PTPRM: variants seen among roughly 807,000 people sequenced by gnomAD.
PTPRM encodes receptor-type tyrosine-protein phosphatase mu.
In PTPRM, 47 loss-of-function variants were observed where a neutral mutation model predicts 186.7. The observed-to-expected ratio is 0.25, with a 90% CI of 0.20 to 0.32. PTPRM has a LOEUF of 0.32. PTPRM is among the 10% of genes least tolerant of loss of function. The pLI, the probability that PTPRM is intolerant of heterozygous loss-of-function variation, is 1.00. For missense variants in PTPRM, 1,494 were observed against 1,865.0 expected (o/e 0.80, Z 3.66); for synonymous variants, 668 against 674.9 (o/e 0.99, Z 0.16).
chr18:8,036,067 C>T (rs9807802), intron 7 of PTPRM, among the ~76,000 whole-genome samples: 32,681 of 152,040 alleles, frequency 0.21, 4,377 homozygotes, highest in South Asian at 0.33. Flanking sequence ...TAGTTTCAGG[C>T]GGAGTAGCCA....
intron 1 of PTPRM, among the ~76,000 whole-genome samples, chr18:7,698,500 A>G (rs2039890997): frequency 1.3e-5 from 2 of 152,334 alleles, no homozygotes; most frequent in African/African-American, 4.8e-5. Flanking sequence ...ATTTTCTTGG[A>G]TGATGGAAAC....
At chr18:7,691,067 G>A (rs1275838644) in intron 1 of PTPRM, among the ~76,000 whole-genome samples, 1 of 151,942 alleles carries the variant, frequency 6.6e-6, no homozygotes, top group Admixed American at 6.6e-5. Flanking sequence ...GCCACATCTC[G>A]ACTAAGTAAT....
intron 14 of PTPRM, among the ~76,000 whole-genome samples, chr18:8,231,361 C>T (rs2094283950): frequency 6.6e-6 from 1 of 152,176 alleles, no homozygotes; most frequent in Non-Finnish European, 1.5e-5. Flanking sequence ...AATTGCCACT[C>T]AGTCCAGTTT....
chr18:7,936,692 G>A (rs1040061414), intron 5 of PTPRM, among the ~76,000 whole-genome samples: 1 of 152,206 alleles, frequency 6.6e-6, no homozygotes, highest in Non-Finnish European at 1.5e-5. Context: ...TTCAAGCCAA[G>A]GAAGGCCTGA....
chr18:7,990,229 A>G (rs1376464640), intron 7 of PTPRM, among the ~76,000 whole-genome samples: 1 of 151,736 alleles, frequency 6.6e-6, no homozygotes, highest in African/African-American at 2.4e-5. Flanking sequence ...CTGAACATTT[A>G]CTCTTTCCAT....
chr18:8,118,811 A>AAAT (rs372020679), intron 13 of PTPRM, among the ~76,000 whole-genome samples: 3,252 of 128,172 alleles, frequency 0.025, 55 homozygotes, highest in African/African-American at 0.031. Flanking sequence ...AAAAAAAAAA[A>AAAT]ATATATATAT....
chr18:7,891,237 G>C (rs961877972), intron 3 of PTPRM, among the ~76,000 whole-genome samples: 30 of 151,990 alleles, frequency 2.0e-4, no homozygotes, highest in African/African-American at 6.8e-4. Context: ...AGTGAGCCGT[G>C]GTCATGCCAC....
chr18:8,008,734 T>C (rs2084339541), intron 7 of PTPRM, among the ~76,000 whole-genome samples: 1 of 152,176 alleles, frequency 6.6e-6, no homozygotes, highest in South Asian at 2.1e-4. Context: ...CCTGACTCCC[T>C]GGTGCTTAAC....
At chr18:8,367,760 G>C (rs1343345822) in intron 23 of PTPRM, among the ~76,000 whole-genome samples, 1 of 152,240 alleles carries the variant, frequency 6.6e-6, no homozygotes, top group African/African-American at 2.4e-5. Flanking sequence ...AGCTTTCAGT[G>C]CATGCAAGGG....
At chr18:7,888,799 TA>T (rs2048914927) in intron 3 of PTPRM, among the ~76,000 whole-genome samples, 1 of 152,096 alleles carries the variant, frequency 6.6e-6, no homozygotes, top group Non-Finnish European at 1.5e-5. Flanking sequence ...TGTGCAGCCA[TA>T]AAAAAGAATG....
At chr18:8,123,549 A>G in intron 13 of PTPRM, among the ~76,000 whole-genome samples, 1 of 152,226 alleles carries the variant, frequency 6.6e-6, no homozygotes, top group South Asian at 2.1e-4. Flanking sequence ...CTATCAATTT[A>G]TTGACAGTTC....
chr18:8,229,858 G>T (rs545396236), intron 14 of PTPRM, among the ~76,000 whole-genome samples: 1 of 151,720 alleles, frequency 6.6e-6, no homozygotes, highest in African/African-American at 2.4e-5. Context: ...CATGTACCAA[G>T]AGATCCTGAC....
intron 11 of PTPRM, 39 bp downstream of exon 11, chr18:8,088,890 A>G (rs1182564208): frequency 6.9e-7 from 1 of 1,445,746 alleles, no homozygotes; most frequent in Admixed American, 1.7e-5. Context: ...AGATAGAAGA[A>G]AACTAAATCA....
In PTPRM at chr18:7,705,279, T is replaced by TATCTATC. The variant is rs2040054381; in HGVS notation, c.74-68870_74-68869insATCTATC. ...ATCTAAAATATTTGAAAATATCTATTTATCTATCTATCTATCTATCTATCT... is the reference window on the plus strand; with the variant it reads ...ATCTAAAATATTTGAAAATATCTATTATCTATCTATCTATCTATCTATCTATCTATCT... On this transcript the variant is annotated intron_variant, in intron 1 of 32. Coordinates refer to ENST00000580170, the MANE Select transcript of PTPRM (RefSeq NM_001105244.2). Among the ~76,000 whole-genome samples, 6 of 146,600 alleles carry TATCTATC rather than the reference T, an allele frequency of 4.1e-5. 1 individual carries two copies. The highest frequency in any genetic ancestry group is 9.0e-5 in the Non-Finnish European group (6 of 66,652).
intron 7 of PTPRM, among the ~76,000 whole-genome samples, chr18:8,034,887 TG>T (rs2086223354): frequency 6.6e-6 from 1 of 152,202 alleles, no homozygotes. Context: ...ATAAGCCTAG[TG>T]GGTCTCCTGT....
chr18:7,719,322 T>C (rs887450170), intron 1 of PTPRM, among the ~76,000 whole-genome samples: 20 of 151,030 alleles, frequency 1.3e-4, no homozygotes, highest in African/African-American at 4.9e-4. Flanking sequence ...TTCTAACTTG[T>C]AAGTAGGAGC....
intron 1 of PTPRM, among the ~76,000 whole-genome samples, chr18:7,623,620 G>T (rs1201221353): frequency 6.6e-6 from 1 of 152,050 alleles, no homozygotes; most frequent in Non-Finnish European, 1.5e-5. Flanking sequence ...TGGGTTGTTG[G>T]TATTTAGGCT....
intron 15 of PTPRM, among the ~76,000 whole-genome samples, chr18:8,247,622 G>A (rs2094489661): frequency 6.6e-6 from 1 of 152,134 alleles, no homozygotes; most frequent in Non-Finnish European, 1.5e-5. Context: ...CTCTTTATTT[G>A]TGGGGTAAGA....
intron 22 of PTPRM, among the ~76,000 whole-genome samples, chr18:8,334,115 G>A (rs1056306270): frequency 2.6e-5 from 4 of 152,144 alleles, no homozygotes; most frequent in East Asian, 1.9e-4. Context: ...GAATGAGATC[G>A]TGCATATAAA....
Sources: allele counts gnomAD v4.1 joint callset (sites outside exome capture counted in the v4.1 genomes callset), GRCh38; gene constraint gnomAD v4.1.1; transcripts MANE v1.5; gene names NCBI Gene and HGNC (gene_info 2026-07-23, HGNC 2026-07-21).